The following PCDHA1 variants were observed in gnomAD, a reference collection of about 807,000 sequenced individuals.
PCDHA1 encodes the protein protocadherin alpha 1.
A neutral mutation model predicts 61.3 loss-of-function variants in PCDHA1; 42 were observed. The ratio of observed to expected loss-of-function variants is 0.69; its 90% confidence interval spans 0.54 to 0.89. The LOEUF (loss-of-function observed/expected upper bound fraction) is 0.89, where lower values mean the gene tolerates loss of function less well. PCDHA1 is among the 40% of genes least tolerant of loss of function. The pLI is 0.00. For synonymous variants in PCDHA1, 610 were observed against 553.8 expected, an observed-to-expected ratio of 1.10 and a Z score of -1.43; for missense variants, 1,256 against 1,235.3, an observed-to-expected ratio of 1.02 and a Z score of -0.25.
chr5:140,968,635 T>C, intron 1 of PCDHA1: 1 of 1,614,190 alleles, frequency 6.2e-7, no homozygotes, highest in East Asian at 2.2e-5. Context: ...TTTTTTACCA[T>C]CTAGCCCAGA....
chr5:140,856,140 A>G lies in PCDHA1; in HGVS notation c.2394+67456A>G, dbSNP rs782672623. Reference sequence around the variant, plus strand: ...TGGGAGGTGGGGAGCGGCCAGCTCCACTACTCAGTCTACGAGGAGGCCAGA... The same window carrying G: ...TGGGAGGTGGGGAGCGGCCAGCTCCGCTACTCAGTCTACGAGGAGGCCAGA... On this transcript the variant is annotated intron_variant, in intron 1 of 3. Transcript: ENST00000504120. 4.4e-6 allele frequency: 7 copies of G among 1,598,030 alleles called. 1 individual carries two copies. The African/African-American group carries it at 8.1e-5, about 18-fold the overall frequency.
In PCDHA1 at chr5:140,835,742, G is replaced by A. The variant is rs2150243786; in HGVS notation, c.2394+47058G>A. On this transcript the variant is annotated intron_variant, in intron 1 of 3. Coordinates refer to ENST00000504120, the MANE Select transcript of PCDHA1 (RefSeq NM_018900.4). ...TGGCCGACGTGAACGACAACGCCCC[G>A]GCGTTCGCGCAGCCCGAGTATACGG... 1.8e-5 allele frequency: 29 copies of A among 1,613,552 alleles called. 1 individual carries two copies. The highest frequency in any genetic ancestry group is 2.4e-5 in the Non-Finnish European group (28 of 1,179,844).
At chr5:140,962,207 A>G (rs1364251526) in intron 1 of PCDHA1, among the ~76,000 whole-genome samples, 13 of 152,236 alleles carry the variant, frequency 8.5e-5, no homozygotes, top group Admixed American at 3.3e-4. Flanking sequence ...CTATCTCCTT[A>G]TTGATCTTGA....
intron 3 of PCDHA1, among the ~76,000 whole-genome samples, chr5:141,001,306 A>C (rs1554258083): frequency 6.6e-6 from 1 of 152,174 alleles, no homozygotes; most frequent in African/African-American, 2.4e-5. Context: ...CAGAGATATG[A>C]AATAATTTGC....
chr5:140,830,127 C>A (rs2150181512), intron 1 of PCDHA1: 1 of 1,613,466 alleles, frequency 6.2e-7, no homozygotes, highest in East Asian at 2.2e-5. Context: ...CCAAAGGCGT[C>A]ATCACGGGCG....
intron 1 of PCDHA1, chr5:140,829,924 G>T: frequency 6.2e-7 from 1 of 1,614,014 alleles, no homozygotes; most frequent in Non-Finnish European, 8.5e-7. Context: ...CGTATGAGCT[G>T]CAGCCCCCGG....
intron 1 of PCDHA1, among the ~76,000 whole-genome samples, chr5:140,897,305 G>T (rs952231570): frequency 6.6e-6 from 1 of 150,594 alleles, no homozygotes; most frequent in Non-Finnish European, 1.5e-5. Context: ...TTAGCATTAG[G>T]TATATCTCCT....
chr5:140,808,549 G>A (rs782013709), intron 1 of PCDHA1: 7 of 1,614,136 alleles, frequency 4.3e-6, no homozygotes, highest in South Asian at 3.3e-5. Context: ...ACGCTCCGGC[G>A]TTCGCGCAGC....
chr5:140,795,040 G>C (rs369107883), intron 1 of PCDHA1: 221 of 1,613,876 alleles, frequency 1.4e-4, no homozygotes, highest in Admixed American at 5.7e-4. Context: ...AGCCTGGGAG[G>C]TGGGGAGCGG....
intron 1 of PCDHA1, among the ~76,000 whole-genome samples, chr5:140,891,369 A>G (rs13168533): frequency 0.051 from 7,710 of 152,068 alleles, 281 homozygotes; most frequent in Non-Finnish European, 0.073. Context: ...AGCAGTATAC[A>G]TTGCACCATA....
At chr5:140,968,776 A>G (rs1346540500) in intron 1 of PCDHA1, 4 of 1,614,082 alleles carry the variant, frequency 2.5e-6, no homozygotes, top group Admixed American at 3.3e-5. Context: ...AGCCATCACT[A>G]TCAGCCTCTG....
chr5:140,978,182 AC>A (rs1240611427), intron 1 of PCDHA1, among the ~76,000 whole-genome samples: 1 of 152,186 alleles, frequency 6.6e-6, no homozygotes, highest in African/African-American at 2.4e-5. Context: ...AGAGAGGGCA[AC>A]AGATCTTTTC....
chr5:140,964,305 A>T (rs1163722863), intron 1 of PCDHA1, among the ~76,000 whole-genome samples: 1 of 152,246 alleles, frequency 6.6e-6, no homozygotes, highest in African/African-American at 2.4e-5. Flanking sequence ...AATACCTACA[A>T]GGCCTAAAAC....
chr5:140,876,585 G>T, intron 1 of PCDHA1: 5 of 1,614,202 alleles, frequency 3.1e-6, no homozygotes, highest in Non-Finnish European at 4.2e-6. Context: ...TCATTGCCCT[G>T]ATTAGCGTGT....
At position 140,807,396 on chromosome 5, in the gene PCDHA1, G is replaced by GA. The variant is rs200172095; in HGVS notation, c.2394+18712_2394+18713insA. 2.8e-3 allele frequency: 4,052 copies of GA among 1,446,230 alleles called. 1,984 individuals carry two copies. The highest frequency in any genetic ancestry group is 0.012 in the Admixed American group (618 of 53,392). The allele number at this position is 1,446,230 out of a possible 1,614,324, so 89.6% of individuals were successfully genotyped here. A position where few individuals can be genotyped will look rare whatever the true frequency, so the allele number is the denominator to read the frequency against. Reference sequence around the variant, plus strand: ...CGCCTGTTCCGGGTGGCGTCCAAGGGCCGCGGAGGCCTTCTGGAGGTAAAT... The same window carrying GA: ...CGCCTGTTCCGGGTGGCGTCCAAGGGACCGCGGAGGCCTTCTGGAGGTAAAT... On this transcript the variant is annotated intron_variant, in intron 1 of 3. Coordinates refer to ENST00000504120, the MANE Select transcript of PCDHA1 (RefSeq NM_018900.4).
At chr5:140,932,794 G>A (rs945877357) in intron 1 of PCDHA1, among the ~76,000 whole-genome samples, 46 of 151,806 alleles carry the variant, frequency 3.0e-4, no homozygotes, top group African/African-American at 4.8e-5. Flanking sequence ...TAAGAGAAAA[G>A]CAATACCTTG....
At chr5:140,832,592 C>A (rs1300587314) in intron 1 of PCDHA1, among the ~76,000 whole-genome samples, 1 of 152,174 alleles carries the variant, frequency 6.6e-6, no homozygotes, top group Non-Finnish European at 1.5e-5. Context: ...AAGTAGAGAA[C>A]TATAGCGTTG....
At chr5:140,895,897 C>T (rs994708254) in intron 1 of PCDHA1, among the ~76,000 whole-genome samples, 25 of 152,240 alleles carry the variant, frequency 1.6e-4, no homozygotes, top group African/African-American at 5.3e-4. Flanking sequence ...CTGCAACCTC[C>T]GCGTCCCGGG....
intron 3 of PCDHA1, among the ~76,000 whole-genome samples, chr5:140,985,542 C>T (rs2097157092): frequency 6.6e-6 from 1 of 152,106 alleles, no homozygotes; most frequent in African/African-American, 2.4e-5. Context: ...GGTGAAGATG[C>T]AGTTGCTTCC....
Sources: gnomAD v4.1 joint callset for allele counts (sites outside exome capture counted in the v4.1 genomes callset) on GRCh38, gnomAD v4.1.1 for gene constraint, MANE v1.5 for transcripts, NCBI Gene and HGNC (gene_info 2026-07-23, HGNC 2026-07-21) for gene names.